Variants in EIF4G3 observed in about 807,000 individuals in gnomAD.
EIF4G3 encodes eukaryotic translation initiation factor 4 gamma 3.
EIF4G3 carries 34 observed loss-of-function variants against 186.4 expected under a neutral mutation model. That is an observed-to-expected ratio of 0.18 (90% CI 0.14 to 0.24). EIF4G3 has a LOEUF of 0.24. Among genes scored for constraint, EIF4G3 ranks in the 10% least tolerant of loss-of-function variants. The probability of loss-of-function intolerance (pLI) is 1.00; values close to 1 mark genes in which losing one functional copy is unlikely to be tolerated. For synonymous variants in EIF4G3, 673 were observed against 679.5 expected, an observed-to-expected ratio of 0.99 and a Z score of 0.15; for missense variants, 1,536 against 1,948.5, an observed-to-expected ratio of 0.79 and a Z score of 3.99.
chr1:20,981,520 CAT>C (rs2078002967), intron 8 of EIF4G3, among the ~76,000 whole-genome samples: 1 of 66,008 alleles, frequency 1.5e-5, no homozygotes, highest in African/African-American at 5.3e-5. Flanking sequence ...TGTATATATA[CAT>C]ACATACATGT....
intron 20 of EIF4G3, among the ~76,000 whole-genome samples, chr1:20,867,198 C>T (rs2077746489): frequency 6.6e-6 from 1 of 152,176 alleles, no homozygotes; most frequent in South Asian, 2.1e-4. Flanking sequence ...TCTGAGAGGG[C>T]AGCTTGAGCA....
At chr1:21,073,254 A>C (rs2095494201) in intron 3 of EIF4G3, among the ~76,000 whole-genome samples, 2 of 152,220 alleles carry the variant, frequency 1.3e-5, no homozygotes, top group South Asian at 2.1e-4. Flanking sequence ...CTTTATCAAA[A>C]TCTTACAAAA....
chr1:21,083,657 T>C (rs2095865646), intron 3 of EIF4G3, among the ~76,000 whole-genome samples: 1 of 152,056 alleles, frequency 6.6e-6, no homozygotes, highest in Non-Finnish European at 1.5e-5. Flanking sequence ...GGACTACAAA[T>C]ATGACAGTAG....
At chr1:21,157,075 GAAT>G (rs1339876239) in intron 2 of EIF4G3, among the ~76,000 whole-genome samples, 2 of 152,094 alleles carry the variant, frequency 1.3e-5, no homozygotes, top group African/African-American at 4.8e-5. Flanking sequence ...AATAATAAAT[GAAT>G]AATAAATTAT....
At chr1:21,072,694 G>A (rs1002792340) in intron 3 of EIF4G3, among the ~76,000 whole-genome samples, 2 of 152,066 alleles carry the variant, frequency 1.3e-5, no homozygotes, top group African/African-American at 2.4e-5. Context: ...GAGCCACCAC[G>A]CCTAGCCTTT....
intron 29 of EIF4G3, among the ~76,000 whole-genome samples, chr1:20,846,832 T>C (rs188452901): frequency 1.3e-5 from 2 of 152,356 alleles, no homozygotes; most frequent in East Asian, 3.9e-4. Flanking sequence ...ACTTAATCTC[T>C]TGGGCTTAAC....
chr1:20,963,079 CTCTGTATGG>C (rs1440439995), intron 12 of EIF4G3, among the ~76,000 whole-genome samples: 3 of 151,738 alleles, frequency 2.0e-5, no homozygotes, highest in Admixed American at 6.6e-5. Flanking sequence ...TGACACTTCT[CTCTGTATGG>C]TCTGTATGGT....
chr1:20,981,250 A>AT (rs35524519), intron 8 of EIF4G3, 23 bp from the exon 9 acceptor site: 95,277 of 1,192,308 alleles, frequency 0.08, 367 homozygotes, highest in African/African-American at 0.12. Flanking sequence ...GAAAAAAAAA[A>AT]TTTTTTTTTT....
chr1:20,885,484 T>C (rs917518173), intron 19 of EIF4G3, among the ~76,000 whole-genome samples: 1 of 152,160 alleles, frequency 6.6e-6, no homozygotes, highest in African/African-American at 2.4e-5. Flanking sequence ...AGAAAAGATA[T>C]ATAAGGAATC....
At chr1:21,007,615 G>C (rs1284738821) in intron 4 of EIF4G3, among the ~76,000 whole-genome samples, 1 of 147,778 alleles carries the variant, frequency 6.8e-6, no homozygotes, top group Admixed American at 6.9e-5. Flanking sequence ...CTTAGTCACT[G>C]AGAGAATTTA....
chr1:21,144,886 T>C (rs963096282), intron 2 of EIF4G3, among the ~76,000 whole-genome samples: 1 of 152,078 alleles, frequency 6.6e-6, no homozygotes, highest in African/African-American at 2.4e-5. Context: ...AGCAGAACAC[T>C]AGAAGAGGTA....
intron 2 of EIF4G3, among the ~76,000 whole-genome samples, chr1:21,146,525 C>T (rs543156781): frequency 6.6e-6 from 1 of 152,038 alleles, no homozygotes; most frequent in Non-Finnish European, 1.5e-5. Flanking sequence ...CTTTGGGAGG[C>T]CAAAGCAGGT....
At chr1:21,049,027 G>A (rs1308509540) in intron 4 of EIF4G3, among the ~76,000 whole-genome samples, 1 of 152,190 alleles carries the variant, frequency 6.6e-6, no homozygotes, top group African/African-American at 2.4e-5. Flanking sequence ...GGCAGTGCAA[G>A]CTGCTCTACC....
chr1:20,942,458 A>T, intron 13 of EIF4G3, 128 bp from the exon 14 acceptor site: 1 of 835,250 alleles, frequency 1.2e-6, no homozygotes, highest in South Asian at 2.8e-5. Flanking sequence ...TATTAGACTT[A>T]TTCTGGTATG....
chr1:20,923,574 C>T (rs1276871574), intron 14 of EIF4G3, among the ~76,000 whole-genome samples: 1 of 152,038 alleles, frequency 6.6e-6, no homozygotes. Context: ...CTTACACCTA[C>T]TCAACACTTT....
At chr1:20,996,237 G>A (rs1335908342) in intron 7 of EIF4G3, among the ~76,000 whole-genome samples, 1 of 152,032 alleles carries the variant, frequency 6.6e-6, no homozygotes, top group African/African-American at 2.4e-5. Context: ...CGTTTTACAG[G>A]TGAGAAAACT....
chr1:20,999,797 T>C (rs2083101599), intron 6 of EIF4G3: 1 of 417,082 alleles, frequency 2.4e-6, no homozygotes, highest in East Asian at 7.3e-5. Flanking sequence ...GAACAAACTG[T>C]AGTCGCTGCT....
chr1:20,841,087 A>G (rs2068416472), intron 29 of EIF4G3, 59 bp from the exon 30 acceptor site: 2 of 1,554,896 alleles, frequency 1.3e-6, no homozygotes, highest in Non-Finnish European at 1.8e-6. Context: ...CCAGAATGTT[A>G]AGATAACTTT....
intron 29 of EIF4G3, among the ~76,000 whole-genome samples, chr1:20,846,988 T>C (rs2071320127): frequency 6.6e-6 from 1 of 152,138 alleles, no homozygotes; most frequent in African/African-American, 2.4e-5. Flanking sequence ...TTGGAAAAAA[T>C]ATTTTTAAGA....
Sources: allele counts gnomAD v4.1 joint callset (sites outside exome capture counted in the v4.1 genomes callset), GRCh38; gene constraint gnomAD v4.1.1; transcripts MANE v1.5; gene names NCBI Gene and HGNC (gene_info 2026-07-23, HGNC 2026-07-21).